The following ELAVL2 variants were observed in gnomAD, a reference collection of about 807,000 sequenced individuals.
The protein encoded by ELAVL2 is ELAV like RNA binding protein 2.
ELAVL2 carries 4 observed loss-of-function variants against 34.6 expected under a neutral mutation model. The ratio of observed to expected loss-of-function variants is 0.12; its 90% CI spans 0.06 to 0.26. The LOEUF is 0.26. Among genes scored for constraint, ELAVL2 ranks in the 10% least tolerant of loss-of-function variants. ELAVL2 has a pLI of 1.00. For synonymous variants in ELAVL2, 193 were observed against 154.8 expected (o/e 1.25, Z -1.83); for missense variants, 432 against 442.8 (o/e 0.98, Z 0.22).
intron 1 of ELAVL2, among the ~76,000 whole-genome samples, chr9:23,813,078 T>G (rs2063222923): frequency 6.6e-6 from 1 of 152,188 alleles, no homozygotes; most frequent in Non-Finnish European, 1.5e-5. Flanking sequence ...TACTTAGCAT[T>G]CAACTATATT....
chr9:23,742,608 C>A (rs1229849733), intron 2 of ELAVL2, among the ~76,000 whole-genome samples: 1 of 152,150 alleles, frequency 6.6e-6, no homozygotes, highest in Non-Finnish European at 1.5e-5. Context: ...CCGATATGTA[C>A]AACCCTTCCA....
chr9:23,692,497 C>T lies in ELAVL2; in HGVS notation c.*60G>A. ...AGACATTTACTAATGTATAAAGTTTCTCTTAACTTGCCTTTGTTGTATAGT... is the reference window on the plus strand; with the variant it reads ...AGACATTTACTAATGTATAAAGTTTTTCTTAACTTGCCTTTGTTGTATAGT... On this transcript the variant is annotated 3_prime_UTR_variant, in exon 7 of 7. Transcript: ENST00000397312. The T allele has an allele frequency of 6.6e-7, 1 of 1,507,264 alleles. No individual in the cohort carries two copies. The allele number at this position is 1,507,264 out of a possible 1,614,324, so 93.4% of individuals were successfully genotyped here.
At chr9:23,732,159 C>G (rs554021628) in intron 2 of ELAVL2, among the ~76,000 whole-genome samples, 61 of 152,290 alleles carry the variant, frequency 4.0e-4, no homozygotes, top group African/African-American at 1.1e-3. Flanking sequence ...AATGCTTTTA[C>G]TAAGTACTAC....
At chr9:23,790,856 T>C (rs1399226831) in intron 1 of ELAVL2, among the ~76,000 whole-genome samples, 1 of 152,180 alleles carries the variant, frequency 6.6e-6, no homozygotes, top group Non-Finnish European at 1.5e-5. Flanking sequence ...TCTCTTAGTA[T>C]TTCCAACACA....
chr9:23,838,887 T>C, the ELAVL2 span, among the ~76,000 whole-genome samples: 1 of 152,154 alleles, frequency 6.6e-6, no homozygotes, highest in Non-Finnish European at 1.5e-5. Context: ...CATTAGTGAA[T>C]TGCTATTTCA....
chr9:23,705,102 T>C (rs1330447576), intron 3 of ELAVL2, 31 bp from the exon 4 acceptor site: 4 of 1,612,266 alleles, frequency 2.5e-6, no homozygotes, highest in East Asian at 2.2e-5. Flanking sequence ...TAAATGTATA[T>C]GCATGCTCAC....
chr9:23,824,035 A>T (rs1212656201), intron 1 of ELAVL2, among the ~76,000 whole-genome samples: 1 of 152,178 alleles, frequency 6.6e-6, no homozygotes, highest in Non-Finnish European at 1.5e-5. Flanking sequence ...GAATCCGTGC[A>T]TTTCGGGGAG....
chr9:23,756,634 G>T (rs1179134740), intron 2 of ELAVL2, among the ~76,000 whole-genome samples: 1 of 152,096 alleles, frequency 6.6e-6, no homozygotes. Flanking sequence ...GCCTAGTGAC[G>T]TAAACTCAAC....
chr9:23,700,963 G>C (rs2036989876), intron 5 of ELAVL2, among the ~76,000 whole-genome samples: 1 of 152,090 alleles, frequency 6.6e-6, no homozygotes, highest in Non-Finnish European at 1.5e-5. Context: ...CTCAACCACA[G>C]CATTATTGGT....
intron 1 of ELAVL2, among the ~76,000 whole-genome samples, chr9:23,812,931 C>A (rs2063203846): frequency 6.6e-6 from 1 of 152,046 alleles, no homozygotes; most frequent in Non-Finnish European, 1.5e-5. Context: ...GGGCATTGTT[C>A]CATCCTAAGA....
At chr9:23,707,593 C>A (rs772219257) in intron 3 of ELAVL2, among the ~76,000 whole-genome samples, 4 of 152,198 alleles carry the variant, frequency 2.6e-5, no homozygotes, top group Admixed American at 1.3e-4. Flanking sequence ...TCACAGGAGG[C>A]AGTGGAAATG....
At chr9:23,783,049 A>G (rs1057034372) in intron 1 of ELAVL2, among the ~76,000 whole-genome samples, 7 of 152,206 alleles carry the variant, frequency 4.6e-5, no homozygotes, top group African/African-American at 1.7e-4. Context: ...CTATTTGGCT[A>G]GAGTGAGAGC....
chr9:23,828,932 T>G (rs2065413881), upstream of ELAVL2, among the ~76,000 whole-genome samples: 1 of 152,210 alleles, frequency 6.6e-6, no homozygotes, highest in Non-Finnish European at 1.5e-5. Flanking sequence ...GCTTGAAACA[T>G]TAACAAATAC....
intron 1 of ELAVL2, among the ~76,000 whole-genome samples, chr9:23,792,347 C>T (rs2060421204): frequency 6.6e-6 from 1 of 152,174 alleles, no homozygotes. Flanking sequence ...GTCAGAGCAC[C>T]TTCTTGTAGC....
intron 6 of ELAVL2, 63 bp from the exon 7 acceptor site, chr9:23,692,947 G>C: frequency 2.0e-6 from 3 of 1,466,848 alleles, no homozygotes; most frequent in African/African-American, 2.8e-5. Context: ...GTTGGTTATA[G>C]CAATGAACGT....
At chr9:23,701,743 G>A (rs2037319563) in intron 4 of ELAVL2, 139 bp from the exon 5 acceptor site, 2 of 938,510 alleles carry the variant, frequency 2.1e-6, no homozygotes. Context: ...ATCACACCAG[G>A]AGGAAACTTT....
chr9:23,775,948 G>T (rs978422635), intron 1 of ELAVL2, among the ~76,000 whole-genome samples: 1 of 152,154 alleles, frequency 6.6e-6, no homozygotes, highest in Non-Finnish European at 1.5e-5. Context: ...CTATATGCCT[G>T]ACTCACCTTT....
chr9:23,748,971 G>A (rs1477868020), intron 2 of ELAVL2, among the ~76,000 whole-genome samples: 1 of 152,098 alleles, frequency 6.6e-6, no homozygotes, highest in Non-Finnish European at 1.5e-5. Flanking sequence ...ACCAAAGGCT[G>A]GGAGCAAAGG....
chr9:23,710,020 G>A (rs958645075), intron 3 of ELAVL2, among the ~76,000 whole-genome samples: 2 of 152,140 alleles, frequency 1.3e-5, no homozygotes, highest in Middle Eastern at 3.2e-3. Flanking sequence ...GGGAGGGACG[G>A]GGAGGCAGTA....
Sources: gnomAD v4.1 joint callset for allele counts (sites outside exome capture counted in the v4.1 genomes callset) on GRCh38, gnomAD v4.1.1 for gene constraint, MANE v1.5 for transcripts, NCBI Gene and HGNC (gene_info 2026-07-23, HGNC 2026-07-21) for gene names.